IRAG1: variants seen among roughly 807,000 people sequenced by gnomAD.
IRAG1 encodes inositol 1,4,5-triphosphate receptor associated 1.
In IRAG1, 62 loss-of-function variants were observed where a neutral mutation model predicts 106.2. That is an observed-to-expected ratio of 0.58 (90% CI 0.48 to 0.72). The LOEUF is 0.72. IRAG1 is among the 30% of genes least tolerant of loss of function. The pLI is 0.00. For synonymous variants in IRAG1, 462 were observed against 443.9 expected, an observed-to-expected ratio of 1.04 and a Z score of -0.51; for missense variants, 1,064 against 1,140.7, an observed-to-expected ratio of 0.93 and a Z score of 0.97.
At chr11:10,680,540 G>GAGGAA (rs149163071) in intron 1 of IRAG1, among the ~76,000 whole-genome samples, 1 of 85,728 alleles carries the variant, frequency 1.2e-5, no homozygotes, top group African/African-American at 5.4e-5. Context: ...AGGAAGGAAG[G>GAGGAA]GGAAGGGGAA....
chr11:10,653,460 C>T (rs942282784), intron 1 of IRAG1, among the ~76,000 whole-genome samples: 1 of 152,172 alleles, frequency 6.6e-6, no homozygotes, highest in Non-Finnish European at 1.5e-5. Context: ...TATGATCCTG[C>T]CAACAGACCT....
chr11:10,613,456 G>A (rs1855147912), intron 10 of IRAG1, among the ~76,000 whole-genome samples: 1 of 152,128 alleles, frequency 6.6e-6, no homozygotes, highest in Non-Finnish European at 1.5e-5. Flanking sequence ...ATTTTCAAAT[G>A]TGATAGAACT....
chr11:10,592,705 G>A (rs1852813928), intron 17 of IRAG1, among the ~76,000 whole-genome samples: 1 of 152,120 alleles, frequency 6.6e-6, no homozygotes, highest in African/African-American at 2.4e-5. Context: ...AAATGGAAAT[G>A]TATTTTTCCT....
chr11:10,632,811 G>T (rs190611836), intron 3 of IRAG1, among the ~76,000 whole-genome samples: 1 of 152,198 alleles, frequency 6.6e-6, no homozygotes, highest in Non-Finnish European at 1.5e-5. Context: ...TGACAAAGAC[G>T]CAGATGATTT....
At chr11:10,633,824 T>C in intron 3 of IRAG1, 144 bp downstream of exon 3, 1 of 507,288 alleles carries the variant, frequency 2.0e-6, no homozygotes, top group Non-Finnish European at 3.5e-6. Flanking sequence ...ATTTCTATCT[T>C]GTATTTTGAA....
At chr11:10,602,548 G>A (rs1854119349) in intron 14 of IRAG1, among the ~76,000 whole-genome samples, 1 of 152,222 alleles carries the variant, frequency 6.6e-6, no homozygotes, top group Non-Finnish European at 1.5e-5. Context: ...AAGTGGCCAA[G>A]AGAGAGCCAG....
At chr11:10,619,906 G>T (rs1336818600) in intron 10 of IRAG1, among the ~76,000 whole-genome samples, 1 of 152,096 alleles carries the variant, frequency 6.6e-6, no homozygotes. Flanking sequence ...TTTAAAATTT[G>T]GTGCTTATAG....
chr11:10,666,922 T>C (rs541753053), intron 1 of IRAG1, among the ~76,000 whole-genome samples: 22 of 152,228 alleles, frequency 1.4e-4, no homozygotes, highest in African/African-American at 5.1e-4. Flanking sequence ...CTAGCAACAT[T>C]ACCAAGGCCT....
chr11:10,684,685 G>A (rs970906244), intron 1 of IRAG1, among the ~76,000 whole-genome samples: 1 of 151,414 alleles, frequency 6.6e-6, no homozygotes, highest in East Asian at 1.9e-4. Flanking sequence ...GCTGGGATCT[G>A]AAAGCTGCCC....
Position 10,693,608 on chromosome 11 carries a change from G to A in IRAG1, c.-6C>T. 6.5e-7 allele frequency: 1 copy of A among 1,534,928 alleles called. No homozygotes were observed. ...CTCTGGGGAGCTTTTACCATTTAAG[G>A]TCAATGTTACATCTGGCTCCGGAGC... On this transcript the variant is annotated 5_prime_UTR_variant, in exon 1 of 21. Transcript: ENST00000423302.
chr11:10,659,450 G>A lies in IRAG1; in HGVS notation c.68-7268C>T, dbSNP rs1859225052. Among the ~76,000 whole-genome samples the A allele has an allele frequency of 6.6e-6, 1 of 152,190 alleles. No individual in the cohort carries two copies. The highest frequency in any genetic ancestry group is 1.5e-5 in the Non-Finnish European group (1 of 68,034). On this transcript the variant is annotated intron_variant, in intron 1 of 20. Transcript: ENST00000423302. The surrounding 1 kb of genome is among the most constrained non-coding windows in gnomAD (Gnocchi z 4.1). ...AGGAAGTGGAAGTCACTTCCCCCAA[G>A]ACTGTGTCCCCTAAACAAAGTCACG... is the stretch of plus-strand genomic sequence containing the variant.
intron 1 of IRAG1, among the ~76,000 whole-genome samples, chr11:10,670,785 G>C (rs867425804): frequency 6.6e-6 from 1 of 152,178 alleles, no homozygotes; most frequent in Non-Finnish European, 1.5e-5. Context: ...AGGCACCAAG[G>C]ATGTGCCTAT....
chr11:10,688,418 C>T (rs1384889338), intron 1 of IRAG1, among the ~76,000 whole-genome samples: 4 of 152,148 alleles, frequency 2.6e-5, no homozygotes, highest in Non-Finnish European at 5.9e-5. Flanking sequence ...TGTCTTCAGG[C>T]TTTCTTCTCC....
At chr11:10,661,717 T>C (rs776813283) in intron 1 of IRAG1, among the ~76,000 whole-genome samples, 1 of 152,198 alleles carries the variant, frequency 6.6e-6, no homozygotes, top group Non-Finnish European at 1.5e-5. Flanking sequence ...CCTGCCTCCT[T>C]ATAAGAACTC....
At chr11:10,604,805 C>T (rs1188027686) in intron 12 of IRAG1, among the ~76,000 whole-genome samples, 1 of 152,218 alleles carries the variant, frequency 6.6e-6, no homozygotes, top group Non-Finnish European at 1.5e-5. Flanking sequence ...AAGAGAATAA[C>T]ACTTTGCTTT....
At chr11:10,678,011 G>GTCTATCTATCTATCTA (rs10606111) in intron 1 of IRAG1, among the ~76,000 whole-genome samples, 30 of 142,176 alleles carry the variant, frequency 2.1e-4, no homozygotes, top group African/African-American at 6.9e-4. Flanking sequence ...CTCTCTATCT[G>GTCTATCTATCTATCTA]TCTATCTATC....
chr11:10,592,617 T>G (rs1162454309), intron 17 of IRAG1, among the ~76,000 whole-genome samples: 1 of 152,150 alleles, frequency 6.6e-6, no homozygotes, highest in East Asian at 1.9e-4. Context: ...AAGAAAGAAT[T>G]AGAGAGAATT....
chr11:10,640,483 G>A (rs1381286562), intron 2 of IRAG1, among the ~76,000 whole-genome samples: 1 of 152,236 alleles, frequency 6.6e-6, no homozygotes, highest in African/African-American at 2.4e-5. Flanking sequence ...CAGAATCGTT[G>A]AGCAAGCTCT....
rs145107652 is a variant in IRAG1, at chr11:10,677,522, G to A, written c.67+16014C>T. Among the ~76,000 whole-genome samples, 508 of 152,002 alleles carry A rather than the reference G, an allele frequency of 3.3e-3. 2 individuals are homozygous for A. The highest frequency in any genetic ancestry group is 0.011 in the African/African-American group (475 of 41,468). ...CCAGCTGACAAACTCTGACTACCCC[G>A]TCCCCTCCCCTCAACCATACTCTAG... On this transcript the variant is annotated intron_variant, in intron 1 of 20. Transcript: ENST00000423302.
Sources: gnomAD v4.1 joint callset for allele counts (sites outside exome capture counted in the v4.1 genomes callset) on GRCh38, gnomAD v4.1.1 for gene constraint, Gnocchi (gnomAD v3.1) non-coding constraint, MANE v1.5 for transcripts, NCBI Gene and HGNC (gene_info 2026-07-23, HGNC 2026-07-21) for gene names.